Variants in RASAL2 observed in about 807,000 individuals in gnomAD.
RASAL2 encodes the protein ras GTPase-activating protein nGAP.
In RASAL2, 58 loss-of-function variants were observed where a neutral mutation model predicts 128.9. The observed-to-expected ratio is 0.45, with a 90% CI of 0.36 to 0.56. The LOEUF (loss-of-function observed/expected upper bound fraction) is 0.56. Ranked by LOEUF, RASAL2 falls within the 20% of genes least tolerant of loss-of-function variation. The pLI, the probability that RASAL2 is intolerant of heterozygous loss-of-function variation, is 0.00. For missense variants in RASAL2, 1,360 were observed against 1,601.6 expected, an observed-to-expected ratio of 0.85 and a Z score of 2.57; for synonymous variants, 561 against 580.8, an observed-to-expected ratio of 0.97 and a Z score of 0.49.
chr1:178,325,523 G>A (rs938343561), intron 3 of RASAL2, among the ~76,000 whole-genome samples: 1 of 152,168 alleles, frequency 6.6e-6, no homozygotes, highest in Non-Finnish European at 1.5e-5. Context: ...TAGAGCTAAT[G>A]AGATAATACA....
At chr1:178,332,420 G>A (rs886259171) in intron 3 of RASAL2, among the ~76,000 whole-genome samples, 7 of 151,926 alleles carry the variant, frequency 4.6e-5, no homozygotes, top group Admixed American at 2.6e-4. Context: ...CAGGACAATC[G>A]CTTGAACCCG....
intron 1 of RASAL2, among the ~76,000 whole-genome samples, chr1:178,258,165 G>A (rs1211981963): frequency 1.3e-5 from 2 of 151,684 alleles, no homozygotes; most frequent in Admixed American, 6.6e-5. Context: ...ATGGTGGCAC[G>A]CACCTGTAGT....
intron 1 of RASAL2, among the ~76,000 whole-genome samples, chr1:178,152,547 C>T (rs1432514485): frequency 3.0e-4 from 45 of 152,002 alleles, no homozygotes; most frequent in Non-Finnish European, 1.5e-5. Context: ...CACCTGTAGT[C>T]CCAGCTACTC....
intron 1 of RASAL2, among the ~76,000 whole-genome samples, chr1:178,186,055 A>C (rs1461295043): frequency 6.6e-6 from 1 of 152,112 alleles, no homozygotes; most frequent in Non-Finnish European, 1.5e-5. Context: ...ATTCAATATC[A>C]TTAATAAATA....
chr1:178,315,109 G>A (rs1668443692), intron 3 of RASAL2, among the ~76,000 whole-genome samples: 1 of 140,998 alleles, frequency 7.1e-6, no homozygotes, highest in Non-Finnish European at 1.5e-5. Flanking sequence ...TCCCTACAAA[G>A]GACATGAACT....
At chr1:178,172,526 A>T (rs1188565024) in intron 1 of RASAL2, among the ~76,000 whole-genome samples, 1 of 152,052 alleles carries the variant, frequency 6.6e-6, no homozygotes, top group Non-Finnish European at 1.5e-5. Context: ...GTTGTAGCAA[A>T]TATTTTGTGA....
chr1:178,291,767 C>T (rs766259041), intron 2 of RASAL2, among the ~76,000 whole-genome samples: 4 of 152,132 alleles, frequency 2.6e-5, no homozygotes, highest in Admixed American at 6.5e-5. Flanking sequence ...CCGGGCACGG[C>T]GGCTCACACC....
At chr1:178,396,568 T>A (rs1673243350) in intron 4 of RASAL2, among the ~76,000 whole-genome samples, 1 of 151,992 alleles carries the variant, frequency 6.6e-6, no homozygotes, top group Admixed American at 6.6e-5. Flanking sequence ...ATATATATAT[T>A]TTGGTCTTCT....
At position 178,302,272 on chromosome 1, in the gene RASAL2, AT is replaced by A. The variant is rs1037218935; in HGVS notation, c.457+2162del. Among the ~76,000 whole-genome samples the A allele has an allele frequency of 2.2e-3, 339 of 152,074 alleles. 1 individual carries two copies. Among genetic ancestry groups the A allele is most frequent in the African/African-American group, 3.3e-3 (138 of 41,516 alleles). ...AGTATAAGATTTCTGCTCTTAGAAC[AT>A]TTTTTTTATGTAGTTAGCAAGATAG... On this transcript the variant is annotated intron_variant, in intron 3 of 17. Transcript: ENST00000367649.
intron 7 of RASAL2, 128 bp downstream of exon 7, chr1:178,441,775 T>C (rs1676668603): frequency 1.2e-5 from 8 of 652,218 alleles, no homozygotes; most frequent in South Asian, 7.6e-5. Flanking sequence ...TTATATGTTA[T>C]GCCATTTGTA....
intron 1 of RASAL2, among the ~76,000 whole-genome samples, chr1:178,241,998 C>T (rs570229992): frequency 5.3e-5 from 8 of 152,136 alleles, no homozygotes; most frequent in Admixed American, 1.3e-4. Flanking sequence ...TGGAGAACTG[C>T]TTTATTTCAC....
At chr1:178,160,297 G>T (rs1353314184) in intron 1 of RASAL2, among the ~76,000 whole-genome samples, 1 of 152,122 alleles carries the variant, frequency 6.6e-6, no homozygotes, top group African/African-American at 2.4e-5. Context: ...CTCATGAAAT[G>T]AGATTAAGAT....
chr1:178,207,759 A>G (rs964899381), intron 1 of RASAL2, among the ~76,000 whole-genome samples: 10 of 152,288 alleles, frequency 6.6e-5, no homozygotes, highest in African/African-American at 2.4e-4. Flanking sequence ...TAACATGATA[A>G]TATCCTCTAC....
chr1:178,261,477 A>G (rs1665690296), intron 1 of RASAL2, among the ~76,000 whole-genome samples: 1 of 152,232 alleles, frequency 6.6e-6, no homozygotes, highest in Non-Finnish European at 1.5e-5. Context: ...TACTCCAGCT[A>G]ACACAAACAA....
At chr1:178,164,969 T>C (rs974990391) in intron 1 of RASAL2, among the ~76,000 whole-genome samples, 1 of 151,758 alleles carries the variant, frequency 6.6e-6, no homozygotes, top group African/African-American at 2.4e-5. Context: ...CACTAAAAAA[T>C]AATACAAAGA....
At chr1:178,471,215 A>C (rs1260908619) in intron 17 of RASAL2, among the ~76,000 whole-genome samples, 4 of 152,052 alleles carry the variant, frequency 2.6e-5, no homozygotes, top group African/African-American at 9.7e-5. Flanking sequence ...TCTTTTCTTT[A>C]ATCGTTCAAG....
chr1:178,200,913 C>T (rs1249943500), intron 1 of RASAL2, among the ~76,000 whole-genome samples: 1 of 152,156 alleles, frequency 6.6e-6, no homozygotes, highest in African/African-American at 2.4e-5. Flanking sequence ...AGATATGCTG[C>T]CTAAGGCAAC....
intron 5 of RASAL2, among the ~76,000 whole-genome samples, chr1:178,424,432 A>G (rs1675384327): frequency 6.6e-6 from 1 of 151,748 alleles, no homozygotes; most frequent in South Asian, 2.1e-4. Context: ...TTTTTGAGAT[A>G]AACCACAAAC....
intron 2 of RASAL2, among the ~76,000 whole-genome samples, chr1:178,291,172 A>G (rs1210563787): frequency 6.6e-6 from 1 of 152,214 alleles, no homozygotes; most frequent in Non-Finnish European, 1.5e-5. Flanking sequence ...ATAATGATAC[A>G]AAGTCAAGAA....
Sources: gnomAD v4.1 joint callset for allele counts (sites outside exome capture counted in the v4.1 genomes callset) on GRCh38, gnomAD v4.1.1 for gene constraint, MANE v1.5 for transcripts, NCBI Gene and HGNC (gene_info 2026-07-23, HGNC 2026-07-21) for gene names.